Variants in MEGF11 observed in about 807,000 individuals in gnomAD.
The protein encoded by MEGF11 is multiple EGF like domains 11.
Under a neutral mutation model 146.6 loss-of-function variants are expected in MEGF11, and 126 were observed. That is an observed-to-expected ratio of 0.86 (90% CI 0.74 to 1.00). The LOEUF (loss-of-function observed/expected upper bound fraction) is 1.00, where lower values mean the gene tolerates loss of function less well. Ranked by LOEUF, MEGF11 falls within the 50% of genes least tolerant of loss-of-function variation. MEGF11 has a pLI of 0.00. For missense variants in MEGF11, 1,509 were observed against 1,521.2 expected, an observed-to-expected ratio of 0.99 and a Z score of 0.13; for synonymous variants, 532 against 583.4, an observed-to-expected ratio of 0.91 and a Z score of 1.27.
In MEGF11 at chr15:66,043,447, G is replaced by A. The variant is rs549873764; in HGVS notation, c.394+50955C>T. Among the ~76,000 whole-genome samples the A allele has an allele frequency of 7.2e-5, 11 of 152,384 alleles. 1 individual carries two copies. Among genetic ancestry groups the A allele is most frequent in the African/African-American group, 2.6e-4 (11 of 41,588 alleles). On this transcript the variant is annotated intron_variant, in intron 5 of 25. Coordinates refer to ENST00000395614, the MANE Select transcript of MEGF11 (RefSeq NM_001385028.1). The stretch of plus-strand genomic sequence containing the variant: ...TGAGGGATGTCTGGGCAGAAGCCAC[G>A]ATAATACCACACTGCGTGGCCCAGA...
At chr15:66,012,932 G>C (rs779144861) in intron 5 of MEGF11, among the ~76,000 whole-genome samples, 3 of 152,256 alleles carry the variant, frequency 2.0e-5, no homozygotes, top group African/African-American at 7.2e-5. Context: ...AGCTGGACCG[G>C]GCTTAGTTTG....
chr15:66,214,030 C>CTTTTTTTT (rs11303068), intron 1 of MEGF11, among the ~76,000 whole-genome samples: 1 of 92,334 alleles, frequency 1.1e-5, no homozygotes. Flanking sequence ...GAGCCGGCCA[C>CTTTTTTTT]TTTTTTTTTT....
intron 1 of MEGF11, among the ~76,000 whole-genome samples, chr15:66,188,146 A>G (rs568033108): frequency 6.6e-6 from 1 of 152,092 alleles, no homozygotes; most frequent in African/African-American, 2.4e-5. Context: ...TCCTTACCCC[A>G]GGCATTTGAA....
intron 1 of MEGF11, among the ~76,000 whole-genome samples, chr15:66,222,837 A>T (rs1324588143): frequency 6.6e-6 from 1 of 152,218 alleles, no homozygotes; most frequent in Non-Finnish European, 1.5e-5. Flanking sequence ...CTCAGATAAT[A>T]ACAAATGCTG....
chr15:66,242,615 A>G (rs999147342), intron 1 of MEGF11, among the ~76,000 whole-genome samples: 1 of 152,110 alleles, frequency 6.6e-6, no homozygotes, highest in African/African-American at 2.4e-5. Flanking sequence ...TGCCTATCCA[A>G]TAAGCAGTAG....
chr15:66,103,376 CT>C (rs946690498), intron 4 of MEGF11, among the ~76,000 whole-genome samples: 1 of 152,196 alleles, frequency 6.6e-6, no homozygotes, highest in Non-Finnish European at 1.5e-5. Flanking sequence ...CCTGTGTGAC[CT>C]TGGGCAAGTT....
intron 9 of MEGF11, 120 bp from the exon 10 acceptor site, chr15:65,957,841 T>A: frequency 1.1e-6 from 1 of 870,400 alleles, no homozygotes. Context: ...CCTCTGGGAT[T>A]AAATTGCTCA....
rs142010664 is a variant in MEGF11 at position 66,010,407 on chromosome 15, G to A, written c.395-27919C>T. The stretch of plus-strand genomic sequence containing the variant: ...GGGGTTTCACCATGTTGGCCAGGCT[G>A]GTCTCGAACTCCTGGCCTCAAGTGA... On this transcript the variant is annotated intron_variant, in intron 5 of 25. Transcript: ENST00000395614. Among the ~76,000 whole-genome samples the A allele has an allele frequency of 3.8e-3, 578 of 152,070 alleles. 6 individuals are homozygous for A. Among genetic ancestry groups the A allele is most frequent in the African/African-American group, 0.013 (558 of 41,472 alleles).
intron 23 of MEGF11, among the ~76,000 whole-genome samples, chr15:65,906,952 G>T (rs2078647352): frequency 6.6e-6 from 1 of 152,190 alleles, no homozygotes; most frequent in East Asian, 1.9e-4. Context: ...GACTAAGCTT[G>T]GGTTCTTTGC....
chr15:65,970,206 A>G (rs1025134360), intron 8 of MEGF11, among the ~76,000 whole-genome samples: 19 of 122,620 alleles, frequency 1.5e-4, no homozygotes, highest in Non-Finnish European at 4.1e-5. Flanking sequence ...CGTGCAAAAC[A>G]TATGAATGAA....
At chr15:66,234,625 G>A (rs2092050452) in intron 1 of MEGF11, among the ~76,000 whole-genome samples, 1 of 152,110 alleles carries the variant, frequency 6.6e-6, no homozygotes, top group South Asian at 2.1e-4. Flanking sequence ...GATCCCTGAA[G>A]GACAAGGATC....
chr15:65,958,947 C>G (rs764505099), intron 9 of MEGF11, among the ~76,000 whole-genome samples: 3 of 152,208 alleles, frequency 2.0e-5, no homozygotes, highest in Non-Finnish European at 4.4e-5. Context: ...GAAGCATGCC[C>G]TGGGCTGGCA....
intron 1 of MEGF11, among the ~76,000 whole-genome samples, chr15:66,247,981 T>C (rs1317683712): frequency 2.9e-5 from 4 of 136,300 alleles, no homozygotes; most frequent in African/African-American, 9.2e-5. Flanking sequence ...AAACTCCGTC[T>C]CCAAAAAAAA....
intron 1 of MEGF11, among the ~76,000 whole-genome samples, chr15:66,167,531 G>A (rs149529902): frequency 1.4e-3 from 214 of 152,300 alleles, no homozygotes; most frequent in African/African-American, 5.0e-3. Flanking sequence ...TGTAATCCCA[G>A]CTACTGGGGA....
chr15:66,242,975 A>C (rs1222922350), intron 1 of MEGF11, among the ~76,000 whole-genome samples: 1 of 152,188 alleles, frequency 6.6e-6, no homozygotes, highest in Non-Finnish European at 1.5e-5. Flanking sequence ...AAATGATCAT[A>C]AGAGAAGAAT....
intron 1 of MEGF11, among the ~76,000 whole-genome samples, chr15:66,150,643 A>C (rs1037751255): frequency 2.0e-5 from 3 of 152,030 alleles, no homozygotes; most frequent in Non-Finnish European, 4.4e-5. Flanking sequence ...GAAGGAAGGA[A>C]GGAAGAAAGG....
chr15:66,076,203 AGGATGGATGGATGGATGGAT>A lies in MEGF11; in HGVS notation c.394+18179_394+18198del, dbSNP rs55758771. Reference sequence around the variant, plus strand: ...GGGATGAATGGTTGGACTGACAGACAGGATGGATGGATGGATGGATGGATGGATGGATGGATGGATGGATG... The same window carrying A: ...GGGATGAATGGTTGGACTGACAGACAGGATGGATGGATGGATGGATGGATG... On this transcript the variant is annotated intron_variant, in intron 5 of 25. Transcript: ENST00000395614. 8.9e-4 allele frequency among the ~76,000 whole-genome samples: 132 copies of A among 148,796 alleles called. 1 individual carries two copies. Among genetic ancestry groups the A allele is most frequent in the Admixed American group, 2.6e-3 (39 of 14,964 alleles).
At chr15:66,154,004 T>C (rs1310798019) in intron 1 of MEGF11, among the ~76,000 whole-genome samples, 1 of 152,174 alleles carries the variant, frequency 6.6e-6, no homozygotes, top group Non-Finnish European at 1.5e-5. Context: ...AGGGGGGCAC[T>C]GCACAGCTCC....
chr15:66,113,467 C>T (rs892334936), intron 4 of MEGF11, among the ~76,000 whole-genome samples: 8 of 152,110 alleles, frequency 5.3e-5, no homozygotes, highest in Non-Finnish European at 8.8e-5. Context: ...AAACAGGAGA[C>T]GGGGAATTGG....
Sources: allele counts gnomAD v4.1 joint callset (sites outside exome capture counted in the v4.1 genomes callset), GRCh38; gene constraint gnomAD v4.1.1; transcripts MANE v1.5; gene names NCBI Gene and HGNC (gene_info 2026-07-23, HGNC 2026-07-21).